The following PCLAF variants were observed in gnomAD, a reference collection of about 807,000 sequenced individuals.
PCLAF encodes the protein PCNA clamp associated factor, also known as PCNA-associated factor.
A neutral mutation model predicts 15.1 loss-of-function variants in PCLAF; 12 were observed. That is an observed-to-expected ratio of 0.79 (90% CI 0.51 to 1.29). The LOEUF is 1.29. Among genes scored for constraint, PCLAF ranks in the 50% most tolerant of loss-of-function variants. The probability of loss-of-function intolerance (pLI) is 0.00; values close to 1 mark genes in which losing one functional copy is unlikely to be tolerated. For missense variants in PCLAF, 116 were observed against 130.9 expected, an observed-to-expected ratio of 0.89 and a Z score of 0.56; for synonymous variants, 33 against 47.1, an observed-to-expected ratio of 0.70 and a Z score of 1.22.
chr15:64,383,494 G>A (rs958957621), upstream of PCLAF, among the ~76,000 whole-genome samples: 89 of 151,744 alleles, frequency 5.9e-4, no homozygotes, highest in African/African-American at 1.9e-3. Context: ...AGCCTCCCAC[G>A]TAGCTGGGAT....
rs1451227442 is a variant in PCLAF at position 64,364,595 on chromosome 15, C to A, written c.*1435G>T. On this transcript the variant is annotated 3_prime_UTR_variant, in exon 4 of 4. Transcript: ENST00000300035. ...TCAAATGCAAATCCTAGGAAAATTTCTTTTAAGAGATGGGATCTGGTTCCA... is the reference window on the plus strand; with the variant it reads ...TCAAATGCAAATCCTAGGAAAATTTATTTTAAGAGATGGGATCTGGTTCCA... 6.6e-6 allele frequency: 1 copy of A among 151,868 alleles called. No homozygotes were observed. The highest frequency in any genetic ancestry group is 1.5e-5 in the Non-Finnish European group (1 of 68,016). 9.4% of individuals were successfully genotyped at this position (151,868 alleles called of 1,614,324 possible).
chr15:64,375,093 A>C (rs141881844), intron 3 of PCLAF, among the ~76,000 whole-genome samples: 1 of 151,918 alleles, frequency 6.6e-6, no homozygotes, highest in Non-Finnish European at 1.5e-5. Flanking sequence ...ATATTTTCCA[A>C]CTTTTCCATA....
intron 3 of PCLAF, among the ~76,000 whole-genome samples, chr15:64,368,992 GC>G (rs1422335751): frequency 6.6e-6 from 1 of 152,160 alleles, no homozygotes; most frequent in African/African-American, 2.4e-5. Flanking sequence ...GAAGAAAGGT[GC>G]CAGACAATGA....
intron 1 of PCLAF, chr15:64,387,411 T>A: frequency 9.0e-7 from 1 of 1,109,658 alleles, no homozygotes; most frequent in Non-Finnish European, 1.1e-6. Flanking sequence ...ATTAATTAAT[T>A]AAAAAATTAA....
Position 64,376,904 on chromosome 15 carries a change from A to G in PCLAF, c.129T>C (p.Ala43=). Residue 43 remains alanine (A), a splice_region_variant and synonymous_variant, in exon 3 of 4, where the codon GCT becomes GCC. Coordinates refer to ENST00000300035, the MANE Select transcript of PCLAF (RefSeq NM_014736.6). ...TNSTSVSSRK[A]ENKYAGGNPV... ...GGTTCCCTCCTGCATATTTATTTTC[A>G]GCTGTAAAATATAAACAGATGGAAC... 6.2e-7 allele frequency: 1 copy of G among 1,612,934 alleles called. No individual in the cohort carries two copies. The highest frequency in any genetic ancestry group is 8.5e-7 in the Non-Finnish European group (1 of 1,179,466).
At chr15:64,387,280 G>C (rs2100129081) in intron 1 of PCLAF, among the ~76,000 whole-genome samples, 1 of 152,068 alleles carries the variant, frequency 6.6e-6, no homozygotes, top group African/African-American at 2.4e-5. Context: ...TACTTGGGAG[G>C]CTGAGGCAGG....
At chr15:64,387,441 A>G in intron 1 of PCLAF, 1 of 1,218,828 alleles carries the variant, frequency 8.2e-7, no homozygotes. Context: ...CAGAGCAAAA[A>G]CTTACAGCGC....
intron 1 of PCLAF, chr15:64,387,398 T>A: frequency 9.8e-7 from 1 of 1,023,320 alleles, no homozygotes; most frequent in Non-Finnish European, 1.2e-6. Context: ...AATAAATAAA[T>A]TAATTAATTA....
intron 3 of PCLAF, among the ~76,000 whole-genome samples, chr15:64,368,345 A>T (rs547973694): frequency 6.6e-6 from 1 of 152,304 alleles, no homozygotes; most frequent in African/African-American, 2.4e-5. Context: ...AAATAAGATT[A>T]TCATTAACTC....
intron 3 of PCLAF, among the ~76,000 whole-genome samples, chr15:64,376,227 G>GA (rs943365695): frequency 1.4e-4 from 20 of 145,350 alleles, no homozygotes; most frequent in South Asian, 6.5e-4. Flanking sequence ...TCCGTCTCAG[G>GA]AAAAAAAAAA....
In PCLAF at chr15:64,365,787, A is replaced by G. The variant is rs1291530769; in HGVS notation, c.*243T>C. 2 of 481,932 alleles carry G rather than the reference A, an allele frequency of 4.1e-6. No homozygotes were observed. Among genetic ancestry groups the G allele is most frequent in the African/African-American group, 4.0e-5 (2 of 49,966 alleles). The allele number at this position is 481,932 out of a possible 1,614,324, so 29.9% of individuals were successfully genotyped here. A position where few individuals can be genotyped will look rare whatever the true frequency, so the allele number is the denominator to read the frequency against. ...ATGACTTGATTTTAGCAAGAACTAG[A>G]CACTTAATTTGGTAAAAGAAACCAA... On this transcript the variant is annotated 3_prime_UTR_variant, in exon 4 of 4. Transcript: ENST00000300035.
At chr15:64,384,743 A>C (rs971244212), upstream of PCLAF, among the ~76,000 whole-genome samples, 2 of 151,754 alleles carry the variant, frequency 1.3e-5, no homozygotes, top group Non-Finnish European at 2.9e-5. Context: ...ATGTCTAAAA[A>C]AAAAAAAAAA....
chr15:64,376,251 G>A (rs1027736420), intron 3 of PCLAF, among the ~76,000 whole-genome samples: 3 of 151,858 alleles, frequency 2.0e-5, no homozygotes, highest in African/African-American at 7.3e-5. Context: ...AAGAAATTTG[G>A]GAGTGAGTTA....
chr15:64,381,160 T>C, intron 1 of PCLAF, 122 bp from the exon 2 acceptor site: 1 of 1,196,990 alleles, frequency 8.4e-7, no homozygotes, highest in Non-Finnish European at 1.2e-6. Context: ...AACCTTACCC[T>C]GCCCCTGCGA....
intron 2 of PCLAF, 34 bp from the exon 3 acceptor site, chr15:64,376,939 G>T (rs750140874): frequency 3.9e-6 from 6 of 1,552,542 alleles, no homozygotes; most frequent in Middle Eastern, 3.5e-4. Context: ...CTAGATAAGT[G>T]CTAATAATAC....
chr15:64,376,569 A>G (rs542600187), intron 3 of PCLAF, among the ~76,000 whole-genome samples, 174 bp downstream of exon 3: 1 of 152,234 alleles, frequency 6.6e-6, no homozygotes, highest in Admixed American at 6.6e-5. Context: ...ACAGGTGTGC[A>G]CCAGCACGCC....
chr15:64,374,490 G>T (rs184246534), intron 3 of PCLAF, among the ~76,000 whole-genome samples: 95 of 151,376 alleles, frequency 6.3e-4, no homozygotes, highest in Admixed American at 2.6e-3. Context: ...AGTGAGCCGA[G>T]ATTGCACCAC....
At chr15:64,387,479 T>C in exon 1 of PCLAF, 1 of 1,280,146 alleles carries the variant, frequency 7.8e-7, no homozygotes, top group Non-Finnish European at 1.0e-6. Flanking sequence ...TGCTGTTTTA[T>C]TTTACATAAA....
intron 3 of PCLAF, among the ~76,000 whole-genome samples, chr15:64,371,379 C>G (rs565409070): frequency 6.6e-6 from 1 of 152,250 alleles, no homozygotes; most frequent in African/African-American, 2.4e-5. Context: ...GATTGTCCTG[C>G]TTCAGCCACC....
Sources: gnomAD v4.1 joint callset for allele counts (sites outside exome capture counted in the v4.1 genomes callset) on GRCh38, gnomAD v4.1.1 for gene constraint, MANE v1.5 for transcripts, NCBI Gene and HGNC (gene_info 2026-07-23, HGNC 2026-07-21) for gene names.